The following DNAH8 variants were observed in gnomAD, a reference collection of about 807,000 sequenced individuals.
DNAH8 encodes axonemal beta dynein heavy chain 8.
A neutral mutation model predicts 562.1 loss-of-function variants in DNAH8; 382 were observed. The ratio of observed to expected loss-of-function variants is 0.68; its 90% CI spans 0.63 to 0.74. The LOEUF is 0.74. Among genes scored for constraint, DNAH8 ranks in the 30% least tolerant of loss-of-function variants. The pLI is 0.00. For synonymous variants in DNAH8, 1,881 were observed against 1,919.4 expected, an observed-to-expected ratio of 0.98 and a Z score of 0.52; for missense variants, 5,203 against 5,620.4, an observed-to-expected ratio of 0.93 and a Z score of 2.37.
chr6:38,821,508 A>G (rs1227382420), intron 26 of DNAH8, among the ~76,000 whole-genome samples: 1 of 152,180 alleles, frequency 6.6e-6, no homozygotes, highest in Non-Finnish European at 1.5e-5. Context: ...AATTCAAAGG[A>G]CCTATAATGG....
intron 1 of DNAH8, among the ~76,000 whole-genome samples, chr6:38,717,625 T>A (rs949764615): frequency 1.5e-5 from 2 of 136,946 alleles, no homozygotes; most frequent in African/African-American, 5.8e-5. Flanking sequence ...AATGTACACA[T>A]GATTTTTTTT....
At chr6:38,881,466 C>T (rs1778473280) in intron 53 of DNAH8, among the ~76,000 whole-genome samples, 1 of 151,922 alleles carries the variant, frequency 6.6e-6, no homozygotes, top group African/African-American at 2.4e-5. Context: ...TACAAGTTTG[C>T]CTAGCAACAG....
intron 82 of DNAH8, among the ~76,000 whole-genome samples, chr6:38,967,558 A>T (rs2150680297): frequency 6.6e-6 from 1 of 152,274 alleles, no homozygotes; most frequent in South Asian, 2.1e-4. Context: ...TAAAATACTT[A>T]GGAATAAATT....
chr6:38,783,140 G>C lies in DNAH8; in HGVS notation c.2395+1G>C, dbSNP rs1268846646. On this transcript the variant is annotated splice_donor_variant, in intron 17 of 92. Coordinates refer to ENST00000327475, the MANE Select transcript of DNAH8 (RefSeq NM_001206927.2). LOFTEE classifies it high-confidence loss of function. ...AGAGAGATTTCACAGTTGCATTACGGTGTGTATAACACTGCCATGAGCCTA... is the reference window on the plus strand; with the variant it reads ...AGAGAGATTTCACAGTTGCATTACGCTGTGTATAACACTGCCATGAGCCTA... 1 of 1,613,848 alleles carries C rather than the reference G, an allele frequency of 6.2e-7. No individual in the cohort carries two copies. Among genetic ancestry groups the C allele is most frequent in the Admixed American group, 1.7e-5 (1 of 59,986 alleles).
chr6:38,934,952 C>T (rs34974103), intron 76 of DNAH8, among the ~76,000 whole-genome samples: 69,494 of 151,968 alleles, frequency 0.46, 16,621 homozygotes, highest in Non-Finnish European at 0.54. Flanking sequence ...ATTAGGCTTG[C>T]AACTTTTTGA....
At chr6:38,878,693 T>C (rs1056540132) in intron 53 of DNAH8, among the ~76,000 whole-genome samples, 3 of 152,158 alleles carry the variant, frequency 2.0e-5, no homozygotes, top group Admixed American at 1.3e-4. Flanking sequence ...GAAACAACTT[T>C]GCAAGAACAC....
intron 17 of DNAH8, 92 bp downstream of exon 17, chr6:38,783,231 C>T (rs1224686066): frequency 2.6e-6 from 3 of 1,143,524 alleles, no homozygotes; most frequent in Non-Finnish European, 3.8e-6. Flanking sequence ...ATCCCTTCCA[C>T]ATAATCTTAG....
At chr6:38,870,354 G>A (rs1719571531) in intron 48 of DNAH8, 47 bp from the exon 49 acceptor site, 1 of 1,574,772 alleles carries the variant, frequency 6.4e-7, no homozygotes, top group Non-Finnish European at 8.7e-7. Context: ...GCTGATAAAT[G>A]TTTGTTGACT....
intron 9 of DNAH8, among the ~76,000 whole-genome samples, chr6:38,752,186 T>C (rs1765517451): frequency 6.6e-6 from 1 of 150,756 alleles, no homozygotes; most frequent in South Asian, 2.1e-4. Flanking sequence ...CACCCCGGGA[T>C]GGAGTCTCTC....
intron 88 of DNAH8, among the ~76,000 whole-genome samples, chr6:38,998,422 CTT>C (rs1372520524): frequency 6.6e-6 from 1 of 152,146 alleles, no homozygotes; most frequent in Non-Finnish European, 1.5e-5. Flanking sequence ...TATTTTCACT[CTT>C]TTTCTCATCA....
At chr6:38,793,182 T>C (rs1388119314) in intron 21 of DNAH8, among the ~76,000 whole-genome samples, 1 of 152,126 alleles carries the variant, frequency 6.6e-6, no homozygotes. Flanking sequence ...TTTTTTGAGA[T>C]GAGGTCTGCC....
chr6:38,790,281 G>A lies in DNAH8; in HGVS notation c.2665-8G>A, dbSNP rs767746749. The A allele has an allele frequency of 3.7e-5, 57 of 1,533,668 alleles. No individual in the cohort carries two copies. The highest frequency in any genetic ancestry group is 2.4e-4 in the Admixed American group (14 of 58,160). On this transcript the variant is annotated splice_region_variant and splice_polypyrimidine_tract_variant and intron_variant, in intron 19 of 92. Coordinates refer to ENST00000327475, the MANE Select transcript of DNAH8 (RefSeq NM_001206927.2). ...TAATAGAAGCAGTTGTGTTTTTACC[G>A]TTTCTAGGTGGAATCTGTGTTGAGG... is the stretch of plus-strand genomic sequence containing the variant.
At position 38,996,083 on chromosome 6, in the gene DNAH8, T is replaced by C. The variant is rs530386031; in HGVS notation, c.13214+5911T>C. 2.0e-5 allele frequency among the ~76,000 whole-genome samples: 3 copies of C among 152,320 alleles called. No individual in the cohort carries two copies. The South Asian group carries it at 6.2e-4, about 32-fold the overall frequency. ...GTCCGGCTTAGCAGGTTCTCAGTCC[T>C]CAGTGGCAAAATCACACTGTGACAG... On this transcript the variant is annotated intron_variant, in intron 88 of 92. Transcript: ENST00000327475.
chr6:38,873,241 G>T lies in DNAH8; in HGVS notation c.7485G>T (p.Trp2495Cys). 6.2e-7 allele frequency: 1 copy of T among 1,613,014 alleles called. No individual in the cohort carries two copies. ...ATTCTGTTTCTTTGTTGCAGGCATG[G>T]TTGAAGAAACGCACTGCACAGGAAG... ...ALSWRPILQA[W>C]LKKRTAQEAA... Residue 2495 changes from tryptophan to cysteine, a missense_variant, in exon 52 of 93, where the codon TGG becomes TGT. Physicochemically the swap from Trp to Cys is radical, Grantham distance 215. Coordinates refer to ENST00000327475, the MANE Select transcript of DNAH8 (RefSeq NM_001206927.2).
Position 38,921,461 on chromosome 6 carries a change from G to A in DNAH8, c.10617G>A (p.Leu3539=). The change falls in exon 71 of 93, where the codon CTG becomes CTA. Residue 3539 remains leucine, a synonymous_variant. Coordinates refer to ENST00000327475, the MANE Select transcript of DNAH8 (RefSeq NM_001206927.2). The part of the protein sequence containing the change: ...QALLDEKQAE[L]DKVQAKFDAA... Reference sequence around the variant, plus strand: ...TGCTGGATGAGAAGCAAGCTGAGCTGGATAAAGTACAGGCAAAATTTGATG... The same window carrying A: ...TGCTGGATGAGAAGCAAGCTGAGCTAGATAAAGTACAGGCAAAATTTGATG... 1.2e-6 allele frequency: 2 copies of A among 1,613,614 alleles called. No individual in the cohort carries two copies. The highest frequency in any genetic ancestry group is 1.7e-6 in the Non-Finnish European group (2 of 1,179,802).
chr6:38,790,754 C>T (rs112189172), intron 20 of DNAH8, among the ~76,000 whole-genome samples: 20,255 of 151,162 alleles, frequency 0.13, 1,563 homozygotes, highest in Admixed American at 0.23. Context: ...ACCAGGGAAG[C>T]GGAGGTTGCA....
At chr6:38,858,479 A>T (rs903700191) in intron 42 of DNAH8, among the ~76,000 whole-genome samples, 1 of 152,198 alleles carries the variant, frequency 6.6e-6, no homozygotes, top group Non-Finnish European at 1.5e-5. Flanking sequence ...GATTATTTGA[A>T]GGACATCCAG....
At chr6:38,917,209 C>T (rs893736083) in intron 68 of DNAH8, 30 bp from the exon 69 acceptor site, 1 of 1,530,168 alleles carries the variant, frequency 6.5e-7, no homozygotes, top group Non-Finnish European at 8.8e-7. Context: ...ACTCAACAAA[C>T]AAAATATTGA....
In DNAH8 at chr6:39,010,817, A is replaced by G. The variant is rs200694306; in HGVS notation, c.13372-1398A>G. Among the ~76,000 whole-genome samples, 369 of 128,882 alleles carry G rather than the reference A, an allele frequency of 2.9e-3. 1 individual carries two copies. The highest frequency in any genetic ancestry group is 8.3e-3 in the African/African-American group (300 of 36,314). The allele number at this position is 128,882 out of a possible 152,430, so 84.6% of individuals were successfully genotyped here. A position where few individuals can be genotyped will look rare whatever the true frequency, so the allele number is the denominator to read the frequency against. On this transcript the variant is annotated intron_variant, in intron 89 of 92. Coordinates refer to ENST00000327475, the MANE Select transcript of DNAH8 (RefSeq NM_001206927.2). ...CACGTGTACGCACACACACACACAC[A>G]CACGTATGTATGTATGTATGTATGT...
Sources: allele counts gnomAD v4.1 joint callset (sites outside exome capture counted in the v4.1 genomes callset), GRCh38; gene constraint gnomAD v4.1.1; transcripts MANE v1.5; gene names NCBI Gene and HGNC (gene_info 2026-07-23, HGNC 2026-07-21).